The following MAP3K21 variants were observed in gnomAD, a reference collection of about 807,000 sequenced individuals.
MAP3K21 encodes mitogen-activated protein kinase kinase kinase 21, also known as mitogen-activated protein kinase kinase kinase MLK4.
A neutral mutation model predicts 86.1 loss-of-function variants in MAP3K21; 63 were observed. That is an observed-to-expected ratio of 0.73 (90% confidence interval 0.60 to 0.90). The LOEUF (loss-of-function observed/expected upper bound fraction) is 0.90, where lower values mean the gene tolerates loss of function less well. Among genes scored for constraint, MAP3K21 ranks in the 40% least tolerant of loss-of-function variants. The pLI is 0.00. For synonymous variants in MAP3K21, 558 were observed against 564.8 expected, an observed-to-expected ratio of 0.99 and a Z score of 0.17; for missense variants, 1,220 against 1,367.7, an observed-to-expected ratio of 0.89 and a Z score of 1.70.
chr1:233,329,528 C>T (rs1373604766), intron 1 of MAP3K21, among the ~76,000 whole-genome samples: 1 of 152,194 alleles, frequency 6.6e-6, no homozygotes, highest in East Asian at 1.9e-4. Context: ...GTGGCAGGCG[C>T]CTGTAATCCC....
chr1:233,354,786 C>G (rs752177164), intron 3 of MAP3K21, 50 bp from the exon 4 acceptor site: 1 of 592,570 alleles, frequency 1.7e-6, no homozygotes, highest in East Asian at 8.9e-5. Flanking sequence ...TTCTTAGCAA[C>G]TCTAAACTGC....
At chr1:233,346,670 T>G (rs767889921) in intron 2 of MAP3K21, 48 bp downstream of exon 2, 6 of 1,520,026 alleles carry the variant, frequency 3.9e-6, no homozygotes, top group Non-Finnish European at 5.4e-6. Context: ...TTGCTATGCT[T>G]TATTTCAGTA....
chr1:233,372,017 C>T, intron 5 of MAP3K21, 21 bp from the exon 6 acceptor site: 1 of 1,606,246 alleles, frequency 6.2e-7, no homozygotes, highest in Non-Finnish European at 8.5e-7. Context: ...AATACCAGTT[C>T]TCCCTTTTTG....
At chr1:233,360,125 T>C (rs755833038) in intron 4 of MAP3K21, among the ~76,000 whole-genome samples, 1 of 152,232 alleles carries the variant, frequency 6.6e-6, no homozygotes, top group South Asian at 2.1e-4. Context: ...CAATAGCTAA[T>C]TGGATTGATA....
intron 6 of MAP3K21, chr1:233,372,397 C>T (rs541037224): frequency 4.0e-5 from 18 of 445,138 alleles, no homozygotes; most frequent in Admixed American, 8.1e-5. Context: ...GACCTGGCCC[C>T]GGAGTAGAAA....
chr1:233,343,154 T>C (rs112341381), intron 1 of MAP3K21, among the ~76,000 whole-genome samples: 1 of 152,188 alleles, frequency 6.6e-6, no homozygotes, highest in East Asian at 1.9e-4. Flanking sequence ...ATTATAAATG[T>C]TTGACAATGT....
At chr1:233,376,164 TAATA>T in intron 7 of MAP3K21, 98 bp downstream of exon 7, 3 of 1,022,860 alleles carry the variant, frequency 2.9e-6, no homozygotes, top group Non-Finnish European at 4.4e-6. Flanking sequence ...GCAAGTAAAT[TAATA>T]GAGAGATTTA....
chr1:233,333,597 T>TAA (rs11399728), intron 1 of MAP3K21, among the ~76,000 whole-genome samples: 34,135 of 149,752 alleles, frequency 0.23, 4,896 homozygotes, highest in East Asian at 0.41. Context: ...ATATTAAAAT[T>TAA]AAAAAAAAAA....
chr1:233,338,256 A>G (rs1381301658), intron 1 of MAP3K21, among the ~76,000 whole-genome samples: 1 of 152,222 alleles, frequency 6.6e-6, no homozygotes, highest in Non-Finnish European at 1.5e-5. Flanking sequence ...TTTTCTTTAC[A>G]GAAGCCTGTC....
intron 5 of MAP3K21, among the ~76,000 whole-genome samples, chr1:233,367,157 C>T (rs906861661): frequency 1.3e-5 from 2 of 152,152 alleles, no homozygotes; most frequent in African/African-American, 2.4e-5. Context: ...AAAGCAGTGG[C>T]ATTCTAACTT....
At chr1:233,345,799 G>A (rs568785037) in intron 1 of MAP3K21, among the ~76,000 whole-genome samples, 3 of 151,750 alleles carry the variant, frequency 2.0e-5, no homozygotes, top group Non-Finnish European at 4.4e-5. Flanking sequence ...CTACACAAGA[G>A]CTCAGGGACA....
In MAP3K21 at chr1:233,379,383, C is replaced by T. The variant is rs1271392863; in HGVS notation, c.2377C>T (p.Leu793=). 5 of 1,614,124 alleles carry T rather than the reference C, an allele frequency of 3.1e-6. No homozygotes were observed. In the Admixed American group the frequency reaches 5.0e-5, roughly 16 times the overall value. ...TCGEASSPPS[L]PLSSALGILS... ...TGGGGAGGCCAGCAGCCCACCCTCCCTGCCACTGTCAAGTGCCCTGGGCAT... is the reference window on the plus strand; with the variant it reads ...TGGGGAGGCCAGCAGCCCACCCTCCTTGCCACTGTCAAGTGCCCTGGGCAT... Residue 793 remains leucine (L), a synonymous_variant, in exon 9 of 10, where the codon CTG becomes TTG. Coordinates refer to ENST00000366624, the MANE Select transcript of MAP3K21 (RefSeq NM_032435.3).
chr1:233,339,502 G>T (rs1459498014), intron 1 of MAP3K21, among the ~76,000 whole-genome samples: 2 of 123,298 alleles, frequency 1.6e-5, no homozygotes, highest in Non-Finnish European at 3.5e-5. Context: ...TTTTTTTGAG[G>T]CAGGGTCTTT....
intron 5 of MAP3K21, among the ~76,000 whole-genome samples, chr1:233,369,676 T>C (rs1663647312): frequency 6.6e-6 from 1 of 152,162 alleles, no homozygotes; most frequent in East Asian, 1.9e-4. Context: ...TGACATGATA[T>C]GAAACTGATA....
At chr1:233,369,116 C>G (rs1215975435) in intron 5 of MAP3K21, among the ~76,000 whole-genome samples, 1 of 150,796 alleles carries the variant, frequency 6.6e-6, no homozygotes, top group Admixed American at 6.7e-5. Flanking sequence ...ATGACAGTGA[C>G]TAGTGCAGAG....
rs899977865 is a variant in MAP3K21, at chr1:233,376,309, A to G, written c.1827-121A>G. 41 of 804,710 alleles carry G rather than the reference A, an allele frequency of 5.1e-5. No homozygotes were observed. In the African/African-American group the frequency reaches 6.9e-4, roughly 13 times the overall value. The allele number at this position is 804,710 out of a possible 1,614,324, so 49.8% of individuals were successfully genotyped here. A position where few individuals can be genotyped will look rare whatever the true frequency, so the allele number is the denominator to read the frequency against. Reference sequence around the variant, plus strand: ...TTATTTGTACTTTGTCAGCCCTTCAAAACTGAGTACAAATGTGTTCTCTTT... The same window carrying G: ...TTATTTGTACTTTGTCAGCCCTTCAGAACTGAGTACAAATGTGTTCTCTTT... On this transcript the variant is annotated intron_variant, in intron 7 of 9. Coordinates refer to ENST00000366624, the MANE Select transcript of MAP3K21 (RefSeq NM_032435.3).
intron 1 of MAP3K21, 24 bp from the exon 2 acceptor site, chr1:233,346,418 G>C: frequency 6.4e-7 from 1 of 1,557,444 alleles, no homozygotes; most frequent in Non-Finnish European, 8.8e-7. Context: ...ATATGCAAAT[G>C]TCTCACTTTT....
At chr1:233,337,882 T>C (rs536126774) in intron 1 of MAP3K21, among the ~76,000 whole-genome samples, 5 of 152,366 alleles carry the variant, frequency 3.3e-5, no homozygotes, top group Admixed American at 3.3e-4. Flanking sequence ...TGATGGCATA[T>C]AGGATGTTTG....
rs998146897 is a variant in MAP3K21, at chr1:233,385,043, C to T, written c.*2332C>T. 23 of 152,160 alleles carry T rather than the reference C, an allele frequency of 1.5e-4. No homozygotes were observed. The highest frequency in any genetic ancestry group is 2.9e-4 in the Non-Finnish European group (20 of 68,024). 9.4% of individuals were successfully genotyped at this position (152,160 alleles called of 1,614,324 possible). On this transcript the variant is annotated 3_prime_UTR_variant, in exon 10 of 10. Transcript: ENST00000366624. ...GTACTCTCACTGCAGAGATTTAAGGCCTGGGCCTAATGTGCTGTATTATGA... is the reference window on the plus strand; with the variant it reads ...GTACTCTCACTGCAGAGATTTAAGGTCTGGGCCTAATGTGCTGTATTATGA...
Sources: allele counts gnomAD v4.1 joint callset (sites outside exome capture counted in the v4.1 genomes callset), GRCh38; gene constraint gnomAD v4.1.1; transcripts MANE v1.5; gene names NCBI Gene and HGNC (gene_info 2026-07-23, HGNC 2026-07-21).